RAB3IL1: variants seen among roughly 807,000 people sequenced by gnomAD.
RAB3IL1 encodes the protein RAB3A interacting protein like 1, also known as guanine nucleotide exchange factor for Rab-3A.
In RAB3IL1, 37 loss-of-function variants were observed where a neutral mutation model predicts 49.2. The ratio of observed to expected loss-of-function variants is 0.75; its 90% CI spans 0.58 to 0.99. RAB3IL1 has a LOEUF of 0.99. RAB3IL1 is among the 50% of genes least tolerant of loss of function. The probability of loss-of-function intolerance (pLI) is 0.00; values close to 1 mark genes in which losing one functional copy is unlikely to be tolerated. For missense variants in RAB3IL1, 484 were observed against 513.0 expected (o/e 0.94, Z 0.55); for synonymous variants, 193 against 213.9 (o/e 0.90, Z 0.85).
chr11:61,913,262 C>G (rs1048737971), intron 1 of RAB3IL1, among the ~76,000 whole-genome samples: 3 of 152,058 alleles, frequency 2.0e-5, no homozygotes, highest in Admixed American at 1.3e-4. Context: ...TGAAAGAGAT[C>G]GTCATGAGTC....
At position 61,905,157 on chromosome 11, in the gene RAB3IL1, G is replaced by T. The variant is rs76931588; in HGVS notation, c.658-275C>A. Among the ~76,000 whole-genome samples, 1,456 of 152,294 alleles carry T rather than the reference G, an allele frequency of 9.6e-3. 12 individuals are homozygous for T. The highest frequency in any genetic ancestry group is 0.022 in the East Asian group (116 of 5,174). On this transcript the variant is annotated intron_variant, in intron 5 of 9. Coordinates refer to ENST00000394836, the MANE Select transcript of RAB3IL1 (RefSeq NM_013401.4). The stretch of plus-strand genomic sequence containing the variant: ...ATTTTAGAGTGGGGTGCAGGGCTTT[G>T]TCCTGAAGACCCTCAGTGCCTCCTT...
chr11:61,907,340 G>T, intron 4 of RAB3IL1, 53 bp downstream of exon 4: 1 of 1,582,692 alleles, frequency 6.3e-7, no homozygotes. Context: ...TCGCTGAGCC[G>T]GGAGGCAGGG....
chr11:61,910,439 G>A (rs1161162270), intron 1 of RAB3IL1, among the ~76,000 whole-genome samples: 2 of 152,200 alleles, frequency 1.3e-5, no homozygotes, highest in Non-Finnish European at 2.9e-5. Context: ...GATGGGGCAA[G>A]CCTGGGGTCC....
chr11:61,904,575 C>T lies in RAB3IL1; in HGVS notation c.870G>A (p.Lys290=), dbSNP rs1208292714. 1 of 1,612,724 alleles carries T rather than the reference C, an allele frequency of 6.2e-7. No homozygotes were observed. The highest frequency in any genetic ancestry group is 8.5e-7 in the Non-Finnish European group (1 of 1,179,394). Residue 290 remains lysine (K), a synonymous_variant, in exon 7 of 10, where the codon AAG becomes AAA. Coordinates refer to ENST00000394836, the MANE Select transcript of RAB3IL1 (RefSeq NM_013401.4). The part of the protein sequence containing the change: ...PVASQTLPTV[K]VAEVDCSSTN... ...TGCTGCTACAGTCAACCTCGGCCACCTTCACTGTGGGCAGCGTCTGCGAAG... is the reference window on the plus strand; with the variant it reads ...TGCTGCTACAGTCAACCTCGGCCACTTTCACTGTGGGCAGCGTCTGCGAAG...
chr11:61,900,777 G>A (rs1428433774), intron 8 of RAB3IL1, among the ~76,000 whole-genome samples: 1 of 152,190 alleles, frequency 6.6e-6, no homozygotes, highest in Non-Finnish European at 1.5e-5. Flanking sequence ...CCCACCCCCA[G>A]CTTCATCCAG....
intron 1 of RAB3IL1, among the ~76,000 whole-genome samples, chr11:61,910,138 C>G (rs1195021391): frequency 6.6e-6 from 1 of 152,224 alleles, no homozygotes; most frequent in African/African-American, 2.4e-5. Flanking sequence ...CGCAGCTGGT[C>G]AGTGACAGTG....
the RAB3IL1 span, among the ~76,000 whole-genome samples, chr11:61,928,833 C>T: frequency 6.6e-6 from 1 of 152,154 alleles, no homozygotes; most frequent in Non-Finnish European, 1.5e-5. Context: ...AATCAGAGAT[C>T]ACCAGCACAT....
the RAB3IL1 span, among the ~76,000 whole-genome samples, chr11:61,932,719 T>A: frequency 6.6e-6 from 1 of 151,766 alleles, no homozygotes; most frequent in Non-Finnish European, 1.5e-5. Context: ...AACTTTTTTT[T>A]AACTCAACAT....
At chr11:61,920,955 A>G (rs887616778), upstream of RAB3IL1, among the ~76,000 whole-genome samples, 2 of 152,048 alleles carry the variant, frequency 1.3e-5, no homozygotes, top group Non-Finnish European at 2.9e-5. Flanking sequence ...AAAAACTGTT[A>G]TTTTTTATTT....
chr11:61,909,849 G>A (rs1005195529), intron 1 of RAB3IL1, among the ~76,000 whole-genome samples: 1 of 152,198 alleles, frequency 6.6e-6, no homozygotes, highest in African/African-American at 2.4e-5. Context: ...GCTCACGCCT[G>A]TAATCCCAGC....
upstream of RAB3IL1, chr11:61,920,139 C>G: frequency 7.4e-7 from 1 of 1,345,380 alleles, no homozygotes; most frequent in Non-Finnish European, 9.7e-7. Flanking sequence ...TGGCCAGGAA[C>G]ACGGGACATG....
At chr11:61,943,859 T>C in the RAB3IL1 span, among the ~76,000 whole-genome samples, 1 of 152,126 alleles carries the variant, frequency 6.6e-6, no homozygotes, top group Non-Finnish European at 1.5e-5. Flanking sequence ...AGGACACGGA[T>C]TGCCCCTCAA....
the RAB3IL1 span, among the ~76,000 whole-genome samples, chr11:61,934,011 A>G: frequency 3.3e-5 from 5 of 152,126 alleles, no homozygotes; most frequent in Non-Finnish European, 5.9e-5. Flanking sequence ...TCAGAACAAA[A>G]TGAAGAAAAT....
At chr11:61,920,416 T>G, upstream of RAB3IL1, 1 of 487,116 alleles carries the variant, frequency 2.1e-6, no homozygotes, top group Non-Finnish European at 3.1e-6. Context: ...TGGGCCCTCC[T>G]TCCTGGGCTC....
chr11:61,904,795 G>C lies in RAB3IL1; in HGVS notation c.745C>G (p.Arg249Gly). 6.2e-7 allele frequency: 1 copy of C among 1,610,824 alleles called. No individual in the cohort carries two copies. The highest frequency in any genetic ancestry group is 8.5e-7 in the Non-Finnish European group (1 of 1,179,056). ...TCCAGGCAGGGGCCCACGTCCTCTC[G>C]GTACACCCTTTCCAGGAAGGGGCAG... ...KTCPFLERVY[R>G]EDVGPCLDFT... The change falls in exon 6 of 10, where the codon CGA (arginine) becomes GGA (glycine). Residue 249 changes from arginine (R) to glycine (G), a missense_variant. Physicochemically the swap from Arg to Gly is moderately radical, Grantham distance 125. Coordinates refer to ENST00000394836, the MANE Select transcript of RAB3IL1 (RefSeq NM_013401.4).
upstream of RAB3IL1, among the ~76,000 whole-genome samples, chr11:61,922,038 T>C (rs571720088): frequency 6.7e-6 from 1 of 149,736 alleles, no homozygotes; most frequent in South Asian, 2.1e-4. Flanking sequence ...AAAAAACCCG[T>C]CTCTACTAAA....
the RAB3IL1 span, among the ~76,000 whole-genome samples, chr11:61,944,957 T>C: frequency 6.6e-6 from 1 of 152,174 alleles, no homozygotes; most frequent in Non-Finnish European, 1.5e-5. Context: ...CGCCTCAGCC[T>C]CCCAAAGTGC....
chr11:61,945,548 A>C, the RAB3IL1 span, among the ~76,000 whole-genome samples: 1 of 152,130 alleles, frequency 6.6e-6, no homozygotes, highest in African/African-American at 2.4e-5. Context: ...CTGGACTAGA[A>C]ACTTACCATT....
At chr11:61,940,133 A>G in the RAB3IL1 span, among the ~76,000 whole-genome samples, 1 of 152,136 alleles carries the variant, frequency 6.6e-6, no homozygotes, top group African/African-American at 2.4e-5. Flanking sequence ...TGATAGAGCA[A>G]GATGCTGTCT....
Sources: allele counts gnomAD v4.1 joint callset (sites outside exome capture counted in the v4.1 genomes callset), GRCh38; gene constraint gnomAD v4.1.1; transcripts MANE v1.5; gene names NCBI Gene and HGNC (gene_info 2026-07-23, HGNC 2026-07-21).